Variants in STPG2 observed in about 807,000 individuals in gnomAD.
The protein encoded by STPG2 is sperm tail PG-rich repeat containing 2.
In STPG2, 56 loss-of-function variants were observed where a neutral mutation model predicts 54.2. The ratio of observed to expected loss-of-function variants is 1.03; its 90% CI spans 0.83 to 1.29. STPG2 has a LOEUF of 1.29. Ranked by LOEUF, STPG2 falls within the 50% of genes most tolerant of loss-of-function variation. STPG2 has a pLI of 0.00. For synonymous variants in STPG2, 200 were observed against 181.8 expected, an observed-to-expected ratio of 1.10 and a Z score of -0.81; for missense variants, 596 against 544.9, an observed-to-expected ratio of 1.09 and a Z score of -0.93.
chr4:98,007,554 G>C (rs1735613372), intron 5 of STPG2, among the ~76,000 whole-genome samples: 1 of 152,084 alleles, frequency 6.6e-6, no homozygotes, highest in Non-Finnish European at 1.5e-5. Context: ...TGAAAAAGCA[G>C]AGTGTTATGA....
At chr4:97,943,243 T>C (rs1733060143) in intron 8 of STPG2, among the ~76,000 whole-genome samples, 1 of 152,112 alleles carries the variant, frequency 6.6e-6, no homozygotes, top group Non-Finnish European at 1.5e-5. Flanking sequence ...TACCATCACC[T>C]TGGGAGTTAG....
intron 8 of STPG2, among the ~76,000 whole-genome samples, chr4:97,858,442 G>A (rs535448647): frequency 1.1e-4 from 17 of 152,246 alleles, no homozygotes; most frequent in African/African-American, 3.8e-4. Flanking sequence ...GGAGAAACAG[G>A]TGGTTTTCAG....
chr4:98,104,868 CAT>C (rs949756915), intron 5 of STPG2, among the ~76,000 whole-genome samples: 1 of 152,160 alleles, frequency 6.6e-6, no homozygotes, highest in East Asian at 1.9e-4. Context: ...AGAACATTCA[CAT>C]GTTTCCCCAT....
chr4:97,699,168 G>A (rs1432593414), intron 10 of STPG2, among the ~76,000 whole-genome samples: 1 of 152,142 alleles, frequency 6.6e-6, no homozygotes, highest in African/African-American at 2.4e-5. Context: ...CTGGCAAATT[G>A]GGCACTCGAC....
chr4:97,939,033 ACTT>A (rs1732872128), intron 8 of STPG2, among the ~76,000 whole-genome samples: 1 of 151,700 alleles, frequency 6.6e-6, no homozygotes, highest in Non-Finnish European at 1.5e-5. Context: ...TGTTCAAATA[ACTT>A]CTTGATTTCT....
At chr4:98,019,171 A>C (rs1414974608) in intron 5 of STPG2, among the ~76,000 whole-genome samples, 2 of 152,104 alleles carry the variant, frequency 1.3e-5, no homozygotes, top group African/African-American at 2.4e-5. Flanking sequence ...GTAAGTCTTT[A>C]ATCCATCTTG....
chr4:97,817,458 C>T (rs2149101820), intron 9 of STPG2, among the ~76,000 whole-genome samples: 1 of 152,018 alleles, frequency 6.6e-6, no homozygotes, highest in South Asian at 2.1e-4. Flanking sequence ...AGAATACTTG[C>T]TTAGACATGG....
intron 9 of STPG2, among the ~76,000 whole-genome samples, chr4:97,727,183 A>C (rs1724650733): frequency 6.6e-6 from 1 of 151,884 alleles, no homozygotes; most frequent in Admixed American, 6.6e-5. Flanking sequence ...GAATTATGTA[A>C]ATAAGTATAT....
Position 97,616,053 on chromosome 4 carries a change from TATAA to T in STPG2, c.1321-56940_1321-56937del, listed in dbSNP as rs1247797968. On this transcript the variant is annotated intron_variant, in intron 10 of 10. Coordinates refer to ENST00000295268, the MANE Select transcript of STPG2 (RefSeq NM_174952.3). ...CTCTGTCTCAAAAAAAAAAAATACA[TATAA>T]ATATATATATATATATATATATATA... Among the ~76,000 whole-genome samples the T allele has an allele frequency of 1.4e-3, 84 of 61,216 alleles. 4 individuals carry two copies. Among genetic ancestry groups the T allele is most frequent in the African/African-American group, 6.1e-3 (73 of 12,006 alleles). The allele number at this position is 61,216 out of a possible 152,430, so 40.2% of individuals were successfully genotyped here.
At chr4:97,548,753 A>C (rs964444356) in intron 4 of STPG2, among the ~76,000 whole-genome samples, 1 of 152,118 alleles carries the variant, frequency 6.6e-6, no homozygotes, top group Non-Finnish European at 1.5e-5. Context: ...TTTTGTTTCT[A>C]AACAGAAAAA....
chr4:97,672,933 A>C (rs924940258), intron 10 of STPG2, among the ~76,000 whole-genome samples: 2 of 152,220 alleles, frequency 1.3e-5, no homozygotes, highest in African/African-American at 4.8e-5. Context: ...TGGCTTTTAG[A>C]ACTTCCCCAG....
chr4:98,025,831 C>A (rs1342446901), intron 5 of STPG2: 6 of 1,595,528 alleles, frequency 3.8e-6, no homozygotes, highest in Non-Finnish European at 5.1e-6. Flanking sequence ...TGGATGCAGG[C>A]CTTGCCAGAA....
intron 10 of STPG2, among the ~76,000 whole-genome samples, chr4:97,571,019 C>T (rs545795721): frequency 1.3e-5 from 2 of 151,926 alleles, no homozygotes; most frequent in Admixed American, 6.6e-5. Flanking sequence ...ACTTTTGTTG[C>T]CATCTTTCTG....
At chr4:97,716,802 C>T (rs1724304739) in intron 9 of STPG2, among the ~76,000 whole-genome samples, 1 of 151,546 alleles carries the variant, frequency 6.6e-6, no homozygotes, top group Non-Finnish European at 1.5e-5. Flanking sequence ...CACGTGGTGC[C>T]TATGGCCACG....
intron 9 of STPG2, among the ~76,000 whole-genome samples, chr4:97,814,038 T>C: frequency 6.6e-6 from 1 of 152,136 alleles, no homozygotes; most frequent in South Asian, 2.1e-4. Context: ...ACCATTAAAT[T>C]ATTACAATGA....
At chr4:97,675,912 G>T (rs1238833055) in intron 10 of STPG2, among the ~76,000 whole-genome samples, 2 of 144,444 alleles carry the variant, frequency 1.4e-5, no homozygotes, top group African/African-American at 5.1e-5. Flanking sequence ...TATATATAGT[G>T]TATATATATA....
chr4:97,768,903 C>T (rs753086580), intron 9 of STPG2, among the ~76,000 whole-genome samples: 7 of 151,632 alleles, frequency 4.6e-5, no homozygotes, highest in African/African-American at 7.3e-5. Context: ...GGTTTCACCA[C>T]GTTAGCCAGG....
At chr4:97,769,629 AT>A (rs1452631271) in intron 9 of STPG2, among the ~76,000 whole-genome samples, 23 of 152,278 alleles carry the variant, frequency 1.5e-4, no homozygotes, top group Admixed American at 1.3e-3. Flanking sequence ...TATTAAAAAA[AT>A]CATCTTCGTT....
chr4:97,859,924 G>A (rs1299242906), intron 8 of STPG2, among the ~76,000 whole-genome samples: 3 of 152,222 alleles, frequency 2.0e-5, no homozygotes, highest in African/African-American at 7.2e-5. Context: ...TGAAGATCCA[G>A]TTTCACTCTT....
Sources: gnomAD v4.1 joint callset for allele counts (sites outside exome capture counted in the v4.1 genomes callset) on GRCh38, gnomAD v4.1.1 for gene constraint, MANE v1.5 for transcripts, NCBI Gene and HGNC (gene_info 2026-07-23, HGNC 2026-07-21) for gene names.